TNRC6B: variants seen among roughly 807,000 people sequenced by gnomAD.
TNRC6B encodes trinucleotide repeat containing adaptor 6B.
TNRC6B carries 52 observed loss-of-function variants against 203.6 expected under a neutral mutation model. The ratio of observed to expected loss-of-function variants is 0.26; its 90% confidence interval spans 0.20 to 0.32. TNRC6B has a LOEUF of 0.32. TNRC6B is among the 10% of genes least tolerant of loss of function. The pLI is 1.00. For missense variants in TNRC6B, 1,923 were observed against 2,286.2 expected (o/e 0.84, Z 3.24); for synonymous variants, 838 against 845.7 (o/e 0.99, Z 0.16).
intron 15 of TNRC6B, among the ~76,000 whole-genome samples, chr22:40,305,786 G>GA (rs1473214541): frequency 2.6e-5 from 4 of 152,124 alleles, no homozygotes; most frequent in African/African-American, 9.7e-5. Flanking sequence ...TCTCTAATGA[G>GA]AAAAGTGCCC....
At chr22:40,300,004 T>C (rs558267152) in intron 12 of TNRC6B, among the ~76,000 whole-genome samples, 7 of 152,344 alleles carry the variant, frequency 4.6e-5, no homozygotes, top group Admixed American at 4.6e-4. Flanking sequence ...AAGCCATGCA[T>C]TGAAACTCAT....
intron 2 of TNRC6B, among the ~76,000 whole-genome samples, chr22:40,123,000 C>T (rs538073032): frequency 5.3e-5 from 8 of 152,288 alleles, no homozygotes; most frequent in South Asian, 2.1e-4. Flanking sequence ...CTGCCCCTTC[C>T]GCTTCAGGTC....
chr22:40,277,866 G>A (rs1205291049), intron 8 of TNRC6B, 133 bp from the exon 9 acceptor site: 4 of 689,724 alleles, frequency 5.8e-6, no homozygotes, highest in East Asian at 2.7e-5. Flanking sequence ...AATGTCTTCA[G>A]TACCATCAAG....
chr22:40,251,314 G>C, intron 3 of TNRC6B, 114 bp downstream of exon 3: 1 of 777,402 alleles, frequency 1.3e-6, no homozygotes, highest in East Asian at 3.0e-5. Context: ...GAGTAATTAA[G>C]GTGGGTTGTT....
intron 5 of TNRC6B, among the ~76,000 whole-genome samples, chr22:40,269,780 C>T (rs1016187317): frequency 7.4e-5 from 11 of 149,214 alleles, no homozygotes; most frequent in Non-Finnish European, 1.5e-4. Flanking sequence ...CTCAGCTGCT[C>T]GGGAGGCTGA....
At chr22:40,091,081 A>G (rs1240682375) in intron 1 of TNRC6B, among the ~76,000 whole-genome samples, 1 of 152,128 alleles carries the variant, frequency 6.6e-6, no homozygotes, top group Non-Finnish European at 1.5e-5. Context: ...TCCCGGGTTC[A>G]CGCCATTCTC....
At chr22:40,317,319 C>T (rs907612989) in intron 21 of TNRC6B, among the ~76,000 whole-genome samples, 2 of 152,176 alleles carry the variant, frequency 1.3e-5, no homozygotes, top group Non-Finnish European at 2.9e-5. Context: ...GTGGCTCACG[C>T]CTGTAATCCC....
At chr22:40,214,159 C>T (rs563844926) in intron 1 of TNRC6B, among the ~76,000 whole-genome samples, 9 of 152,006 alleles carry the variant, frequency 5.9e-5, no homozygotes, top group Admixed American at 2.6e-4. Context: ...CCCAGCTACT[C>T]GGGAGGCTGA....
At position 40,328,579 on chromosome 22, in the gene TNRC6B, A is replaced by G. The variant is rs1007354333; in HGVS notation, c.*5338A>G. 8 of 152,124 alleles carry G rather than the reference A, an allele frequency of 5.3e-5. No homozygotes were observed. Among genetic ancestry groups the G allele is most frequent in the Non-Finnish European group, 1.2e-4 (8 of 68,008 alleles). 9.4% of individuals were successfully genotyped at this position (152,124 alleles called of 1,614,324 possible). Reference sequence around the variant, plus strand: ...TGATTTTTGTAAGGTTAACAGCCAGATTCCATTTTGACCTCAGATGCTGTG... The same window carrying G: ...TGATTTTTGTAAGGTTAACAGCCAGGTTCCATTTTGACCTCAGATGCTGTG... On this transcript the variant is annotated 3_prime_UTR_variant, in exon 23 of 23. Coordinates refer to ENST00000454349, the MANE Select transcript of TNRC6B (RefSeq NM_001162501.2).
At chr22:40,087,183 T>C (rs948876213) in intron 1 of TNRC6B, among the ~76,000 whole-genome samples, 7 of 152,234 alleles carry the variant, frequency 4.6e-5, no homozygotes, top group Non-Finnish European at 1.5e-5. Flanking sequence ...AGATAAGAGA[T>C]GGAAATATAT....
At chr22:40,235,205 T>C (rs1019862931) in intron 1 of TNRC6B, among the ~76,000 whole-genome samples, 16 of 152,228 alleles carry the variant, frequency 1.1e-4, no homozygotes, top group Admixed American at 5.9e-4. Context: ...GTCACATGTC[T>C]TAGGTGCATT....
chr22:40,111,973 C>T (rs543809341), intron 1 of TNRC6B, among the ~76,000 whole-genome samples: 5 of 152,102 alleles, frequency 3.3e-5, no homozygotes, highest in African/African-American at 7.2e-5. Context: ...CGGTGGCAGG[C>T]GCCTGTAATT....
chr22:40,168,100 A>G (rs1412070660), intron 4 of TNRC6B, among the ~76,000 whole-genome samples: 3 of 152,198 alleles, frequency 2.0e-5, no homozygotes, highest in East Asian at 3.8e-4. Flanking sequence ...GAGCATAACC[A>G]TACAGTTAAT....
At chr22:40,256,459 A>G (rs184657902) in intron 3 of TNRC6B, among the ~76,000 whole-genome samples, 43 of 152,312 alleles carry the variant, frequency 2.8e-4, no homozygotes, top group Admixed American at 1.5e-3. Flanking sequence ...CTCACTGCCA[A>G]CTTTTTTGTA....
intron 3 of TNRC6B, among the ~76,000 whole-genome samples, chr22:40,143,830 A>G (rs1261326679): frequency 3.3e-5 from 5 of 152,210 alleles, no homozygotes; most frequent in African/African-American, 1.2e-4. Flanking sequence ...TCTGCAATAC[A>G]TCTTTCTAAT....
At chr22:40,061,081 G>A (rs578008641) in intron 1 of TNRC6B, among the ~76,000 whole-genome samples, 2 of 152,258 alleles carry the variant, frequency 1.3e-5, no homozygotes, top group African/African-American at 4.8e-5. Flanking sequence ...TATGCTGTTT[G>A]AATTCTTTTT....
At chr22:40,079,201 C>T (rs1341886287) in intron 1 of TNRC6B, among the ~76,000 whole-genome samples, 1 of 152,156 alleles carries the variant, frequency 6.6e-6, no homozygotes, top group Admixed American at 6.5e-5. Flanking sequence ...GCATGAGCCA[C>T]CGTGCCCGGG....
At chr22:40,320,387 G>A (rs773272910) in intron 21 of TNRC6B, among the ~76,000 whole-genome samples, 5 of 152,200 alleles carry the variant, frequency 3.3e-5, no homozygotes, top group Non-Finnish European at 5.9e-5. Flanking sequence ...TGCTGAGGCA[G>A]GAGAATCGCT....
intron 2 of TNRC6B, chr22:40,125,643 A>G (rs2146324223): frequency 5.0e-6 from 3 of 603,326 alleles, no homozygotes; most frequent in East Asian, 5.8e-5. Flanking sequence ...ACACACACAC[A>G]CACAAAGTTA....
Sources: allele counts gnomAD v4.1 joint callset (sites outside exome capture counted in the v4.1 genomes callset), GRCh38; gene constraint gnomAD v4.1.1; transcripts MANE v1.5; gene names NCBI Gene and HGNC (gene_info 2026-07-23, HGNC 2026-07-21).